Variants in ADGRG7 observed in about 807,000 individuals in gnomAD.
ADGRG7 encodes the protein adhesion G protein-coupled receptor G7, also known as G-protein coupled receptor 128.
In ADGRG7, 82 loss-of-function variants were observed where a neutral mutation model predicts 88.6. That is an observed-to-expected ratio of 0.93 (90% CI 0.77 to 1.11). The LOEUF (loss-of-function observed/expected upper bound fraction) is 1.11. Ranked by LOEUF, ADGRG7 falls within the 50% of genes most tolerant of loss-of-function variation. ADGRG7 has a pLI of 0.00. For missense variants in ADGRG7, 945 were observed against 953.4 expected (o/e 0.99, Z 0.12); for synonymous variants, 381 against 345.2 (o/e 1.10, Z -1.15).
chr3:100,632,200 G>T (rs1707468140), intron 3 of ADGRG7, among the ~76,000 whole-genome samples: 1 of 151,958 alleles, frequency 6.6e-6, no homozygotes, highest in African/African-American at 2.4e-5. Context: ...CATCACACTT[G>T]TTTAATATAT....
intron 1 of ADGRG7, among the ~76,000 whole-genome samples, chr3:100,621,988 G>A (rs547146887): frequency 4.0e-4 from 61 of 152,274 alleles, no homozygotes; most frequent in Non-Finnish European, 7.4e-4. Flanking sequence ...CATAACGAGC[G>A]TGCAACCTAC....
intron 10 of ADGRG7, 54 bp from the exon 11 acceptor site, chr3:100,649,641 A>G: frequency 1.0e-6 from 1 of 954,696 alleles, no homozygotes; most frequent in Non-Finnish European, 1.7e-6. Flanking sequence ...GTTGACTTTC[A>G]TTAACACTTC....
Position 100,639,870 on chromosome 3 carries a change from G to A in ADGRG7, c.698+2468G>A, listed in dbSNP as rs377470798. Among the ~76,000 whole-genome samples the A allele has an allele frequency of 5.3e-5, 8 of 152,254 alleles. No homozygotes were observed. In the East Asian group the frequency reaches 7.7e-4, roughly 15 times the overall value. On this transcript the variant is annotated intron_variant, in intron 6 of 15. Transcript: ENST00000273352. ...ACACAATATCCAAATAGTTTTAAAGGAGGTGGTTAAAGGATAAATAAAAAT... is the reference window on the plus strand; with the variant it reads ...ACACAATATCCAAATAGTTTTAAAGAAGGTGGTTAAAGGATAAATAAAAAT...
At chr3:100,684,411 G>A (rs1249262244) in intron 15 of ADGRG7, among the ~76,000 whole-genome samples, 5 of 151,842 alleles carry the variant, frequency 3.3e-5, no homozygotes, top group African/African-American at 7.3e-5. Context: ...CTACAGGCAC[G>A]TGGCACCATG....
chr3:100,615,407 T>G (rs941931587), intron 1 of ADGRG7, among the ~76,000 whole-genome samples: 1 of 152,234 alleles, frequency 6.6e-6, no homozygotes, highest in South Asian at 2.1e-4. Flanking sequence ...TCTTGAAGTG[T>G]GTAGTACAAG....
intron 15 of ADGRG7, among the ~76,000 whole-genome samples, chr3:100,678,314 G>C (rs746065941): frequency 2.0e-5 from 3 of 151,924 alleles, no homozygotes; most frequent in Non-Finnish European, 4.4e-5. Flanking sequence ...TTATTTGATA[G>C]GATTCTGAAT....
chr3:100,666,617 T>A (rs1250377612), intron 14 of ADGRG7, among the ~76,000 whole-genome samples: 1 of 152,178 alleles, frequency 6.6e-6, no homozygotes, highest in Non-Finnish European at 1.5e-5. Flanking sequence ...AGGAGACAGA[T>A]GCCTTCCTCT....
At chr3:100,646,770 A>C in intron 10 of ADGRG7, 46 bp downstream of exon 10, 2 of 1,531,392 alleles carry the variant, frequency 1.3e-6, no homozygotes, top group African/African-American at 2.7e-5. Flanking sequence ...AATTTTCCTT[A>C]TACACAATTC....
intron 15 of ADGRG7, among the ~76,000 whole-genome samples, chr3:100,669,639 A>G (rs1463877125): frequency 6.6e-6 from 1 of 152,068 alleles, no homozygotes; most frequent in Non-Finnish European, 1.5e-5. Context: ...ATGTATAACA[A>G]TCACTTCAGG....
In ADGRG7 at chr3:100,659,782, G is replaced by A; in HGVS notation, c.1918G>A (p.Val640Ile). 2 of 1,614,026 alleles carry A rather than the reference G, an allele frequency of 1.2e-6. No homozygotes were observed. The highest frequency in any genetic ancestry group is 1.3e-5 in the African/African-American group (1 of 75,030). The change falls in exon 14 of 16, where the codon GTT (valine) becomes ATT (isoleucine). Residue 640 changes from valine (V) to isoleucine (I), a missense_variant. Transcript: ENST00000273352. ...VPVTIILISN[V>I]VMFITISIKV... Reference sequence around the variant, plus strand: ...TGTAACCATTATCCTCATCAGCAATGTTGTTATGTTTATTACAATCTCGAT... The same window carrying A: ...TGTAACCATTATCCTCATCAGCAATATTGTTATGTTTATTACAATCTCGAT...
chr3:100,687,407 C>A (rs2094984610), intron 15 of ADGRG7, among the ~76,000 whole-genome samples: 1 of 152,128 alleles, frequency 6.6e-6, no homozygotes, highest in Non-Finnish European at 1.5e-5. Context: ...GAACTTCCAA[C>A]ACTATGTTGA....
At chr3:100,649,602 G>T in intron 10 of ADGRG7, 93 bp from the exon 11 acceptor site, 1 of 635,574 alleles carries the variant, frequency 1.6e-6, no homozygotes, top group Non-Finnish European at 2.8e-6. Context: ...GCAACTGTCT[G>T]GTTATTTTGA....
At chr3:100,656,957 T>G (rs1006114517) in intron 13 of ADGRG7, among the ~76,000 whole-genome samples, 1 of 152,192 alleles carries the variant, frequency 6.6e-6, no homozygotes, top group African/African-American at 2.4e-5. Context: ...ATACCCAAGA[T>G]GCAAATATCT....
chr3:100,694,651 A>G (rs2094999167), intron 15 of ADGRG7, 93 bp from the exon 16 acceptor site: 2 of 1,181,492 alleles, frequency 1.7e-6, no homozygotes, highest in Non-Finnish European at 2.4e-6. Context: ...TGCCGTGCAG[A>G]TGAGAAGGTT....
intron 11 of ADGRG7, among the ~76,000 whole-genome samples, chr3:100,651,752 T>G (rs1433520549): frequency 6.6e-6 from 1 of 152,128 alleles, no homozygotes; most frequent in Non-Finnish European, 1.5e-5. Context: ...TTTAAAATCC[T>G]GAATTATAAA....
At chr3:100,644,727 C>T (rs943302737) in intron 8 of ADGRG7, among the ~76,000 whole-genome samples, 5 of 151,894 alleles carry the variant, frequency 3.3e-5, no homozygotes, top group South Asian at 4.2e-4. Context: ...GACAGAATCT[C>T]GCTATATTGC....
intron 5 of ADGRG7, among the ~76,000 whole-genome samples, chr3:100,636,645 G>GA (rs11452728): frequency 0.63 from 94,093 of 150,214 alleles, 30,848 homozygotes; most frequent in East Asian, 0.98. Flanking sequence ...TTTTGTTTCA[G>GA]AAAAAAAAAA....
rs895924706 is a variant in ADGRG7, at chr3:100,684,242, G to C, written c.2137-10502G>C. On this transcript the variant is annotated intron_variant, in intron 15 of 15. Coordinates refer to ENST00000273352, the MANE Select transcript of ADGRG7 (RefSeq NM_032787.3). ...ATTTGTTTTTGATAATTTTCTCATA[G>C]TTTTTCCATTTTATCTATTTATTTA... Among the ~76,000 whole-genome samples, 46 of 85,664 alleles carry C rather than the reference G, an allele frequency of 5.4e-4. 1 individual carries two copies. The highest frequency in any genetic ancestry group is 1.8e-3 in the African/African-American group (43 of 23,510). The allele number at this position is 85,664 out of a possible 152,430, so 56.2% of individuals were successfully genotyped here. A position where few individuals can be genotyped will look rare whatever the true frequency, so the allele number is the denominator to read the frequency against.
At chr3:100,626,903 T>A (rs1707387306) in intron 1 of ADGRG7, among the ~76,000 whole-genome samples, 1 of 152,262 alleles carries the variant, frequency 6.6e-6, no homozygotes, top group African/African-American at 2.4e-5. Flanking sequence ...GCTTTTATAT[T>A]TCAATTGTTT....
Sources: allele counts gnomAD v4.1 joint callset (sites outside exome capture counted in the v4.1 genomes callset), GRCh38; gene constraint gnomAD v4.1.1; transcripts MANE v1.5; gene names NCBI Gene and HGNC (gene_info 2026-07-23, HGNC 2026-07-21).